The following EPC1 variants were observed in gnomAD, a reference collection of about 807,000 sequenced individuals.
EPC1 encodes the protein enhancer of polycomb homolog 1.
Under a neutral mutation model 98.4 loss-of-function variants are expected in EPC1, and 12 were observed. The ratio of observed to expected loss-of-function variants is 0.12; its 90% CI spans 0.08 to 0.20. EPC1 has a LOEUF of 0.20. Ranked by LOEUF, EPC1 falls within the 10% of genes least tolerant of loss-of-function variation. The pLI is 1.00. For missense variants in EPC1, 729 were observed against 990.5 expected (o/e 0.74, Z 3.54); for synonymous variants, 357 against 363.9 (o/e 0.98, Z 0.21).
upstream of EPC1, among the ~76,000 whole-genome samples, chr10:32,348,785 C>T (rs749579887): frequency 1.4e-4 from 22 of 152,288 alleles, no homozygotes; most frequent in Admixed American, 9.8e-4. Flanking sequence ...CCGCGAATGG[C>T]AACTGCCACA....
intron 1 of EPC1, among the ~76,000 whole-genome samples, chr10:32,325,080 C>A (rs1212588752): frequency 6.6e-6 from 1 of 152,258 alleles, no homozygotes; most frequent in African/African-American, 2.4e-5. Flanking sequence ...GTTAACAAAA[C>A]AAGTGTCAAC....
intron 1 of EPC1, among the ~76,000 whole-genome samples, chr10:32,330,422 C>G (rs1837573588): frequency 6.6e-6 from 1 of 152,214 alleles, no homozygotes; most frequent in Admixed American, 6.5e-5. Context: ...AGCCCACACC[C>G]ATTTGTTACA....
At chr10:32,289,989 T>G (rs1394099068) in intron 6 of EPC1, among the ~76,000 whole-genome samples, 2 of 152,182 alleles carry the variant, frequency 1.3e-5, no homozygotes, top group African/African-American at 4.8e-5. Context: ...TCCAAGAAAG[T>G]GCCACTTAAT....
chr10:32,329,486 A>G (rs1837508850), intron 1 of EPC1, among the ~76,000 whole-genome samples: 2 of 152,252 alleles, frequency 1.3e-5, no homozygotes, highest in Admixed American at 1.3e-4. Context: ...AGAGGCAAGC[A>G]CACAGATAAT....
intron 1 of EPC1, among the ~76,000 whole-genome samples, chr10:32,336,061 CCTTTT>C (rs1334034561): frequency 2.9e-3 from 145 of 50,382 alleles, no homozygotes; most frequent in African/African-American, 5.2e-3. Context: ...TAATCTACTA[CCTTTT>C]CTTTTTTTTT....
intron 1 of EPC1, among the ~76,000 whole-genome samples, chr10:32,343,672 AT>A (rs772232251): frequency 8.7e-5 from 11 of 125,748 alleles, no homozygotes; most frequent in Non-Finnish European, 1.3e-4. Context: ...GTTCAGTAAC[AT>A]TTTCTGCCTC....
rs1838889604 is a variant in EPC1, at chr10:32,347,069, G to A, written c.-154C>T. 6 of 1,455,074 alleles carry A rather than the reference G, an allele frequency of 4.1e-6. No homozygotes were observed. Among genetic ancestry groups the A allele is most frequent in the South Asian group, 1.4e-5 (1 of 71,156 alleles). The allele number at this position is 1,455,074 out of a possible 1,614,324, so 90.1% of individuals were successfully genotyped here. A position where few individuals can be genotyped will look rare whatever the true frequency, so the allele number is the denominator to read the frequency against. ...CCGTCCGGGCACTAACACCAGCCGG[G>A]AGGGTGGGAGGCTGTGCCGCTCCGC... On this transcript the variant is annotated 5_prime_UTR_variant, in exon 1 of 14. Coordinates refer to ENST00000319778, the MANE Select transcript of EPC1 (RefSeq NM_001272004.3).
intron 1 of EPC1, among the ~76,000 whole-genome samples, chr10:32,362,069 A>G (rs1201539856): frequency 1.3e-5 from 2 of 152,088 alleles, no homozygotes; most frequent in Non-Finnish European, 2.9e-5. Flanking sequence ...TTAAGAAATA[A>G]CCATAAAAAT....
rs147969458 is a variant in EPC1, at chr10:32,297,208, G to T, written c.314-3471C>A. On this transcript the variant is annotated intron_variant, in intron 2 of 13. Coordinates refer to ENST00000319778, the MANE Select transcript of EPC1 (RefSeq NM_001272004.3). ...TTCAAAGTAAAAAAAAGGGTCTAAA[G>T]AAAAACAGGCAAATAGGTCATCTTT... is the stretch of plus-strand genomic sequence containing the variant. 7.1e-3 allele frequency among the ~76,000 whole-genome samples: 1,065 copies of T among 150,366 alleles called. 9 individuals are homozygous for T. Among genetic ancestry groups the T allele is most frequent in the Non-Finnish European group, 0.011 (770 of 67,574 alleles).
chr10:32,373,678 C>G (rs994301603), intron 1 of EPC1, among the ~76,000 whole-genome samples: 1 of 152,200 alleles, frequency 6.6e-6, no homozygotes, highest in Non-Finnish European at 1.5e-5. Context: ...ACTCTCCTCA[C>G]TTTGGATATT....
intron 13 of EPC1, among the ~76,000 whole-genome samples, chr10:32,269,913 C>T (rs958716412): frequency 1.3e-5 from 2 of 152,220 alleles, no homozygotes; most frequent in Non-Finnish European, 2.9e-5. Context: ...CTGGCTGAGA[C>T]AGTCTACCAG....
Position 32,268,007 on chromosome 10 carries a change from AGCTG to A in EPC1, c.*1052_*1055del, listed in dbSNP as rs1835667271. ...TTCTGGAGAATCTTAAAAGGAAAAA[AGCTG>A]GCTGGCTGTTTTTAGAAACTGGAAT... On this transcript the variant is annotated 3_prime_UTR_variant, in exon 14 of 14. Coordinates refer to ENST00000319778, the MANE Select transcript of EPC1 (RefSeq NM_001272004.3). 1 of 152,214 alleles carries A rather than the reference AGCTG, an allele frequency of 6.6e-6. No homozygotes were observed. The highest frequency in any genetic ancestry group is 1.5e-5 in the Non-Finnish European group (1 of 68,042). The allele number at this position is 152,214 out of a possible 1,614,324, so 9.4% of individuals were successfully genotyped here.
intron 1 of EPC1, chr10:32,377,426 C>G (rs536086102): frequency 6.6e-6 from 1 of 152,046 alleles, no homozygotes; most frequent in South Asian, 2.1e-4. Context: ...AAGGAAAATG[C>G]AAAATGTTAC....
chr10:32,331,703 T>C (rs187821947), intron 1 of EPC1, among the ~76,000 whole-genome samples: 15 of 152,340 alleles, frequency 9.8e-5, no homozygotes, highest in Admixed American at 7.2e-4. Context: ...CCATGTGAAT[T>C]ATAAGTCCCT....
chr10:32,319,568 T>C (rs1042260137), intron 1 of EPC1, among the ~76,000 whole-genome samples: 1 of 152,062 alleles, frequency 6.6e-6, no homozygotes, highest in East Asian at 1.9e-4. Context: ...AACTTCAATA[T>C]GAGAAAACAT....
intron 13 of EPC1, among the ~76,000 whole-genome samples, chr10:32,269,728 C>T (rs1197384543): frequency 6.6e-6 from 1 of 152,178 alleles, no homozygotes; most frequent in Non-Finnish European, 1.5e-5. Flanking sequence ...TGATATGAGT[C>T]AGAACTATAG....
At chr10:32,319,283 C>A (rs1836740324) in intron 1 of EPC1, among the ~76,000 whole-genome samples, 1 of 152,196 alleles carries the variant, frequency 6.6e-6, no homozygotes, top group South Asian at 2.1e-4. Context: ...GAAAAAAATT[C>A]TTGATAGAGA....
At chr10:32,347,475 G>C (rs895084366), upstream of EPC1, 1 of 154,016 alleles carries the variant, frequency 6.5e-6, no homozygotes, top group Non-Finnish European at 1.4e-5. Context: ...GGGCGAACAA[G>C]GTGCGGGAAA....
chr10:32,331,087 T>C (rs1345409926), intron 1 of EPC1, among the ~76,000 whole-genome samples: 3 of 152,152 alleles, frequency 2.0e-5, no homozygotes, highest in Non-Finnish European at 4.4e-5. Flanking sequence ...AAAAAAAGAC[T>C]GCTATTTTCT....
Sources: gnomAD v4.1 joint callset for allele counts (sites outside exome capture counted in the v4.1 genomes callset) on GRCh38, gnomAD v4.1.1 for gene constraint, MANE v1.5 for transcripts, NCBI Gene and HGNC (gene_info 2026-07-23, HGNC 2026-07-21) for gene names.